CALD1: variants seen among roughly 807,000 people sequenced by gnomAD.
CALD1 encodes the protein caldesmon.
CALD1 carries 33 observed loss-of-function variants against 99.9 expected under a neutral mutation model. That is an observed-to-expected ratio of 0.33 (90% CI 0.25 to 0.44). The LOEUF is 0.44. CALD1 is among the 20% of genes least tolerant of loss of function. The probability of loss-of-function intolerance (pLI) is 1.00; values close to 1 mark genes in which losing one functional copy is unlikely to be tolerated. For missense variants in CALD1, 861 were observed against 962.1 expected (o/e 0.89, Z 1.39); for synonymous variants, 310 against 325.0 (o/e 0.95, Z 0.50).
chr7:134,943,612 T>G (rs1266284793), intron 7 of CALD1, among the ~76,000 whole-genome samples: 10 of 152,136 alleles, frequency 6.6e-5, no homozygotes, highest in Admixed American at 6.5e-4. Context: ...AGGTAGAAAT[T>G]AAAAGATTTT....
At chr7:134,763,917 CAAA>C (rs34036528) in intron 1 of CALD1, among the ~76,000 whole-genome samples, 92 of 103,344 alleles carry the variant, frequency 8.9e-4, no homozygotes, top group Middle Eastern at 4.8e-3. Flanking sequence ...GACTCCATCT[CAAA>C]AAAAAAAAAA....
intron 1 of CALD1, among the ~76,000 whole-genome samples, chr7:134,746,298 A>G (rs1796634256): frequency 1.3e-5 from 2 of 152,228 alleles, no homozygotes; most frequent in Admixed American, 1.3e-4. Flanking sequence ...GGACACAGCA[A>G]GAAGGCACTG....
At chr7:134,924,116 A>C (rs1289519218) in intron 3 of CALD1, among the ~76,000 whole-genome samples, 1 of 152,230 alleles carries the variant, frequency 6.6e-6, no homozygotes, top group Non-Finnish European at 1.5e-5. Flanking sequence ...AGTCATAAAC[A>C]AGGTAAATTA....
intron 3 of CALD1, among the ~76,000 whole-genome samples, chr7:134,898,984 T>G (rs1311527862): frequency 6.6e-6 from 1 of 152,216 alleles, no homozygotes; most frequent in Non-Finnish European, 1.5e-5. Context: ...TAAACACTAA[T>G]TTCTACTGTT....
the CALD1 span, among the ~76,000 whole-genome samples, chr7:134,733,390 G>A: frequency 6.6e-6 from 1 of 152,194 alleles, no homozygotes; most frequent in Non-Finnish European, 1.5e-5. Context: ...TGTCTTTCTA[G>A]AAGCCACAGA....
intron 7 of CALD1, chr7:134,944,689 G>A (rs1230521428): frequency 6.6e-6 from 1 of 152,120 alleles, no homozygotes. Flanking sequence ...TTAGACAAAA[G>A]TGTCAGGAAT....
the CALD1 span, among the ~76,000 whole-genome samples, chr7:134,731,043 T>G: frequency 6.6e-6 from 1 of 152,252 alleles, no homozygotes; most frequent in East Asian, 1.9e-4. Context: ...TCACCCATGT[T>G]ACAGCACCTT....
At chr7:134,847,454 C>G (rs1440079643) in intron 2 of CALD1, among the ~76,000 whole-genome samples, 1 of 152,098 alleles carries the variant, frequency 6.6e-6, no homozygotes, top group African/African-American at 2.4e-5. Flanking sequence ...CTGGGAGTCT[C>G]CTCTCAAGGA....
upstream of CALD1, among the ~76,000 whole-genome samples, chr7:134,740,922 C>G (rs1048491103): frequency 2.0e-5 from 3 of 152,210 alleles, no homozygotes. Flanking sequence ...ATGCTTTACA[C>G]ATGGATCTTA....
intron 7 of CALD1, among the ~76,000 whole-genome samples, chr7:134,942,760 T>C (rs1806547337): frequency 6.6e-6 from 1 of 152,232 alleles, no homozygotes; most frequent in Non-Finnish European, 1.5e-5. Context: ...TAAGGTTCTT[T>C]TAAGGTATAA....
intron 3 of CALD1, among the ~76,000 whole-genome samples, chr7:134,911,129 C>G (rs1803777445): frequency 6.6e-6 from 1 of 151,956 alleles, no homozygotes; most frequent in African/African-American, 2.4e-5. Flanking sequence ...GCCGCCGCCA[C>G]TCCTCGGTTG....
At chr7:134,776,758 G>T (rs1183935099), upstream of CALD1, among the ~76,000 whole-genome samples, 1 of 152,050 alleles carries the variant, frequency 6.6e-6, no homozygotes, top group Admixed American at 6.6e-5. Context: ...GGTGGAAGGA[G>T]GTATGTTTTT....
chr7:134,900,695 T>C (rs1802927666), intron 3 of CALD1, among the ~76,000 whole-genome samples: 1 of 152,096 alleles, frequency 6.6e-6, no homozygotes, highest in Non-Finnish European at 1.5e-5. Context: ...CCTAAGTTTC[T>C]CCATCTGTTA....
intron 2 of CALD1, among the ~76,000 whole-genome samples, chr7:134,846,187 G>GT (rs1193022523): frequency 6.6e-6 from 1 of 152,194 alleles, no homozygotes; most frequent in South Asian, 2.1e-4. Context: ...GAGGCAGGTC[G>GT]TTTTCAGGGT....
chr7:134,900,688 A>G (rs1257578956), intron 3 of CALD1, among the ~76,000 whole-genome samples: 1 of 152,112 alleles, frequency 6.6e-6, no homozygotes, highest in African/African-American at 2.4e-5. Flanking sequence ...TCACTGGCCT[A>G]AGTTTCTCCA....
chr7:134,751,457 T>G, intron 1 of CALD1, among the ~76,000 whole-genome samples: 1 of 152,226 alleles, frequency 6.6e-6, no homozygotes, highest in East Asian at 1.9e-4. Flanking sequence ...TCAAGGTGAT[T>G]GTCCTTCTTT....
chr7:134,829,935 C>T lies in CALD1; in HGVS notation c.-129-13949C>T, dbSNP rs138183724. Reference sequence around the variant, plus strand: ...TAGTAATTTACTGTAGAGGGAGTAACGGTAGATGAGGAAGGAGGAAGTGTA... The same window carrying T: ...TAGTAATTTACTGTAGAGGGAGTAATGGTAGATGAGGAAGGAGGAAGTGTA... On this transcript the variant is annotated intron_variant, in intron 1 of 14. Coordinates refer to ENST00000361675, the MANE Select transcript of CALD1 (RefSeq NM_033138.4). Among the ~76,000 whole-genome samples the T allele has an allele frequency of 5.6e-3, 850 of 152,066 alleles. 9 individuals are homozygous for T. The highest frequency in any genetic ancestry group is 0.02 in the African/African-American group (820 of 41,470).
intron 1 of CALD1, among the ~76,000 whole-genome samples, chr7:134,789,603 TG>T (rs1157519873): frequency 1.3e-4 from 20 of 152,160 alleles, no homozygotes; most frequent in Non-Finnish European, 2.6e-4. Flanking sequence ...CAATTACAAA[TG>T]GTCAGCTATT....
chr7:134,754,677 T>A (rs1796712719), intron 1 of CALD1, among the ~76,000 whole-genome samples: 3 of 152,238 alleles, frequency 2.0e-5, no homozygotes, highest in Admixed American at 1.3e-4. Flanking sequence ...GAAAATTACT[T>A]TTTTTCACTC....
Sources: gnomAD v4.1 joint callset for allele counts (sites outside exome capture counted in the v4.1 genomes callset) on GRCh38, gnomAD v4.1.1 for gene constraint, MANE v1.5 for transcripts, NCBI Gene and HGNC (gene_info 2026-07-23, HGNC 2026-07-21) for gene names.